The following RARB variants were observed in gnomAD, a reference collection of about 807,000 sequenced individuals.
RARB encodes the protein retinoic acid receptor beta.
RARB carries 17 observed loss-of-function variants against 51.9 expected under a neutral mutation model. The observed-to-expected ratio is 0.33, with a 90% confidence interval of 0.22 to 0.49. The LOEUF (loss-of-function observed/expected upper bound fraction) is 0.49. Among genes scored for constraint, RARB ranks in the 20% least tolerant of loss-of-function variants. The pLI, the probability that RARB is intolerant of heterozygous loss-of-function variation, is 0.99. For synonymous variants in RARB, 215 were observed against 195.4 expected (o/e 1.10, Z -0.84); for missense variants, 369 against 550.8 (o/e 0.67, Z 3.30).
chr3:25,202,297 T>A (rs1701414293), intron 5 of RARB, among the ~76,000 whole-genome samples: 1 of 152,230 alleles, frequency 6.6e-6, no homozygotes. Flanking sequence ...TTACCATTTT[T>A]CATTGCGTCT....
rs1412170863 is a variant in RARB at position 25,119,560 on chromosome 3, A to G, written c.-327-12601A>G. 5.9e-5 allele frequency among the ~76,000 whole-genome samples: 9 copies of G among 152,054 alleles called. No individual in the cohort carries two copies. The East Asian group carries it at 1.2e-3, about 20-fold the overall frequency. On this transcript the variant is annotated intron_variant, in intron 3 of 11. Coordinates refer to the RARB transcript ENST00000383772. ...GCACCCTGACCCCCATCCATCTTTCAAATGCAGGGTGCAGCACAGGACAGG... is the reference window on the plus strand; with the variant it reads ...GCACCCTGACCCCCATCCATCTTTCGAATGCAGGGTGCAGCACAGGACAGG...
chr3:24,930,562 C>T (rs1695417343), intron 2 of RARB, among the ~76,000 whole-genome samples: 3 of 152,110 alleles, frequency 2.0e-5, no homozygotes, highest in Admixed American at 1.3e-4. Context: ...TCCCCAATGC[C>T]TGGCACATAA....
At chr3:25,333,477 T>G (rs531421201) in intron 5 of RARB, among the ~76,000 whole-genome samples, 2,474 of 152,046 alleles carry the variant, frequency 0.016, 45 homozygotes, top group African/African-American at 0.044. Context: ...TAGCCATATG[T>G]AGAAAGCTGA....
intron 1 of RARB, among the ~76,000 whole-genome samples, chr3:25,445,108 C>T (rs183130933): frequency 5.9e-5 from 9 of 152,150 alleles, no homozygotes; most frequent in Admixed American, 4.6e-4. Flanking sequence ...CATGACCACA[C>T]CTGGCTAATT....
At chr3:25,001,831 C>A (rs1022796015) in intron 2 of RARB, among the ~76,000 whole-genome samples, 4 of 152,186 alleles carry the variant, frequency 2.6e-5, no homozygotes, top group Non-Finnish European at 4.4e-5. Context: ...CACTACTACG[C>A]ATCCATGTGT....
At chr3:25,528,323 A>T (rs940197516) in intron 3 of RARB, among the ~76,000 whole-genome samples, 1 of 152,196 alleles carries the variant, frequency 6.6e-6, no homozygotes, top group African/African-American at 2.4e-5. Flanking sequence ...GCAAAGTCTC[A>T]GATGTGCCCT....
intron 2 of RARB, among the ~76,000 whole-genome samples, chr3:24,988,944 G>A (rs1052848754): frequency 3.3e-5 from 5 of 152,156 alleles, no homozygotes; most frequent in African/African-American, 4.8e-5. Context: ...TCCTGCCTCA[G>A]CTTCCTGAGT....
intron 4 of RARB, among the ~76,000 whole-genome samples, chr3:25,155,989 T>A (rs959315314): frequency 3.3e-5 from 5 of 152,318 alleles, no homozygotes; most frequent in Admixed American, 6.5e-5. Flanking sequence ...TTAGTTCATT[T>A]GTTTATTGGT....
At chr3:25,130,388 T>G (rs1305412668) in intron 3 of RARB, among the ~76,000 whole-genome samples, 5 of 152,060 alleles carry the variant, frequency 3.3e-5, no homozygotes, top group Non-Finnish European at 5.9e-5. Flanking sequence ...GTTTTCCCCT[T>G]TGTGACTAAC....
chr3:25,482,784 C>A (rs1317218443), intron 2 of RARB, among the ~76,000 whole-genome samples: 2 of 151,928 alleles, frequency 1.3e-5, no homozygotes, highest in Non-Finnish European at 2.9e-5. Context: ...CATGATCCGC[C>A]CAGCTCGGCC....
At chr3:25,179,955 T>C (rs1217703986) in intron 5 of RARB, among the ~76,000 whole-genome samples, 1 of 152,216 alleles carries the variant, frequency 6.6e-6, no homozygotes, top group Non-Finnish European at 1.5e-5. Flanking sequence ...AGAGTTCTAA[T>C]GAGGAGCTGA....
At chr3:25,587,254 G>A (rs905711135) in intron 5 of RARB, among the ~76,000 whole-genome samples, 2 of 152,196 alleles carry the variant, frequency 1.3e-5, no homozygotes, top group African/African-American at 2.4e-5. Context: ...CCTTTATGAA[G>A]TGTGGTGTCT....
intron 5 of RARB, among the ~76,000 whole-genome samples, chr3:25,260,565 C>A (rs1039763999): frequency 1.3e-5 from 2 of 152,082 alleles, no homozygotes; most frequent in Non-Finnish European, 2.9e-5. Context: ...AGAAACAAAT[C>A]AGAATTGAGC....
chr3:24,942,579 C>A (rs1695689895), intron 2 of RARB, among the ~76,000 whole-genome samples: 1 of 152,180 alleles, frequency 6.6e-6, no homozygotes, highest in Non-Finnish European at 1.5e-5. Flanking sequence ...CCTAGGAGTT[C>A]TGTGCCTTTA....
At chr3:25,456,733 T>C (rs1225222571) in intron 1 of RARB, among the ~76,000 whole-genome samples, 3 of 148,986 alleles carry the variant, frequency 2.0e-5, no homozygotes, top group South Asian at 2.1e-4. Context: ...ATACTTAATT[T>C]TTTACTACCA....
chr3:25,339,095 T>C (rs1333257895), intron 5 of RARB, among the ~76,000 whole-genome samples: 1 of 152,190 alleles, frequency 6.6e-6, no homozygotes, highest in African/African-American at 2.4e-5. Context: ...TTAACAGAAA[T>C]GGAAGTCACA....
At chr3:24,952,246 G>GTTT (rs56108055) in intron 2 of RARB, among the ~76,000 whole-genome samples, 46 of 150,370 alleles carry the variant, frequency 3.1e-4, no homozygotes, top group South Asian at 8.4e-4. Context: ...AGTAACATTT[G>GTTT]TTTTTTTTTA....
chr3:25,201,017 A>G (rs1031836116), intron 5 of RARB, among the ~76,000 whole-genome samples: 5 of 152,166 alleles, frequency 3.3e-5, no homozygotes, highest in African/African-American at 4.8e-5. Flanking sequence ...CATTGAATCT[A>G]TAAATTACCT....
At chr3:24,999,572 A>G (rs545064370) in intron 2 of RARB, among the ~76,000 whole-genome samples, 1 of 152,320 alleles carries the variant, frequency 6.6e-6, no homozygotes, top group South Asian at 2.1e-4. Context: ...TCATCGGCAG[A>G]AAAGATAGAA....
Sources: gnomAD v4.1 joint callset for allele counts (sites outside exome capture counted in the v4.1 genomes callset) on GRCh38, gnomAD v4.1.1 for gene constraint, MANE v1.5 for transcripts, NCBI Gene and HGNC (gene_info 2026-07-23, HGNC 2026-07-21) for gene names.